Variants in RPAP2 observed in about 807,000 individuals in gnomAD.
The protein encoded by RPAP2 is putative RNA polymerase II subunit B1 CTD phosphatase RPAP2.
Under a neutral mutation model 73.1 loss-of-function variants are expected in RPAP2, and 52 were observed. That is an observed-to-expected ratio of 0.71 (90% CI 0.57 to 0.90). The LOEUF (loss-of-function observed/expected upper bound fraction) is 0.90, where lower values mean the gene tolerates loss of function less well. RPAP2 is among the 40% of genes least tolerant of loss of function. RPAP2 has a pLI of 0.00. For synonymous variants in RPAP2, 225 were observed against 242.1 expected, an observed-to-expected ratio of 0.93 and a Z score of 0.65; for missense variants, 598 against 701.8, an observed-to-expected ratio of 0.85 and a Z score of 1.67.
At chr1:92,330,037 G>A (rs1287353472) in intron 8 of RPAP2, among the ~76,000 whole-genome samples, 2 of 152,186 alleles carry the variant, frequency 1.3e-5, no homozygotes, top group Non-Finnish European at 2.9e-5. Flanking sequence ...GGTAGGAGTG[G>A]ACCACAAGGT....
chr1:92,332,292 C>G (rs916346178), intron 8 of RPAP2, among the ~76,000 whole-genome samples: 2 of 151,978 alleles, frequency 1.3e-5, no homozygotes, highest in African/African-American at 4.8e-5. Flanking sequence ...CCGTATTTTT[C>G]TATTCTAGGG....
intron 12 of RPAP2, among the ~76,000 whole-genome samples, chr1:92,382,165 A>G (rs557199032): frequency 6.6e-6 from 1 of 152,122 alleles, no homozygotes; most frequent in East Asian, 1.9e-4. Flanking sequence ...AATCCAGTCT[A>G]TCATTGTTGG....
chr1:92,333,352 TTA>T lies in RPAP2; in HGVS notation c.1456-37_1456-36del, dbSNP rs1443035532. 4 of 1,490,082 alleles carry T rather than the reference TTA, an allele frequency of 2.7e-6. No homozygotes were observed. The South Asian group carries it at 4.5e-5, about 17-fold the overall frequency. The allele number at this position is 1,490,082 out of a possible 1,614,324, so 92.3% of individuals were successfully genotyped here. On this transcript the variant is annotated intron_variant, in intron 8 of 12. Transcript: ENST00000610020. ...TGCTTATCAAAGAAAGAATGTAAAC[TTA>T]TGATTCTGTTTTGCTTTGTTTAAAA...
chr1:92,382,275 G>T lies in RPAP2; in HGVS notation c.1838+1402G>T, dbSNP rs569101911. On this transcript the variant is annotated intron_variant, in intron 12 of 12. Transcript: ENST00000610020. The stretch of plus-strand genomic sequence containing the variant: ...AGCAGCATGATTCATAATCCTTTGG[G>T]TATATACCCAGTAATGGGATAGCTG... 7.9e-5 allele frequency among the ~76,000 whole-genome samples: 12 copies of T among 152,270 alleles called. No individual in the cohort carries two copies. In the East Asian group the frequency reaches 2.3e-3, roughly 29 times the overall value.
intron 11 of RPAP2, among the ~76,000 whole-genome samples, chr1:92,353,291 C>T (rs1654307369): frequency 6.6e-6 from 1 of 152,120 alleles, no homozygotes; most frequent in African/African-American, 2.4e-5. Context: ...GTGGTTGTAT[C>T]ATTTTACATT....
chr1:92,338,840 C>T (rs1348030946), intron 10 of RPAP2, among the ~76,000 whole-genome samples: 1 of 151,776 alleles, frequency 6.6e-6, no homozygotes, highest in African/African-American at 2.4e-5. Flanking sequence ...GAACTCTTGC[C>T]CTCAAGGGAT....
chr1:92,377,316 C>T (rs1416191043), intron 11 of RPAP2, among the ~76,000 whole-genome samples: 1 of 151,728 alleles, frequency 6.6e-6, no homozygotes, highest in Admixed American at 6.6e-5. Flanking sequence ...GTCAAGAGAT[C>T]GAGACCATCC....
At chr1:92,301,666 A>G (rs576544063) in intron 3 of RPAP2, 76 bp downstream of exon 3, 14 of 546,080 alleles carry the variant, frequency 2.6e-5, no homozygotes, top group South Asian at 3.8e-5. Flanking sequence ...ACTTCTTTGC[A>G]TTATTAGAAT....
rs191457335 is a variant in RPAP2 at position 92,341,661 on chromosome 1, T to C, written c.1620-4185T>C. The stretch of plus-strand genomic sequence containing the variant: ...AGTATAATAGAAAAGGAAATACTTT[T>C]TTGAGTTGTATCTTGCTCTGTCGTC... On this transcript the variant is annotated intron_variant, in intron 10 of 12. Coordinates refer to ENST00000610020, the MANE Select transcript of RPAP2 (RefSeq NM_024813.3). Among the ~76,000 whole-genome samples the C allele has an allele frequency of 5.2e-3, 796 of 152,332 alleles. 2 individuals carry two copies. The highest frequency in any genetic ancestry group is 8.8e-3 in the Non-Finnish European group (598 of 68,032).
At chr1:92,318,265 G>A (rs1159858254) in intron 6 of RPAP2, among the ~76,000 whole-genome samples, 3 of 152,154 alleles carry the variant, frequency 2.0e-5, no homozygotes, top group African/African-American at 7.2e-5. Flanking sequence ...TAGCGCTTTA[G>A]ATAAGCTATC....
chr1:92,320,904 C>T (rs1428622053), intron 7 of RPAP2, among the ~76,000 whole-genome samples: 1 of 152,182 alleles, frequency 6.6e-6, no homozygotes, highest in Non-Finnish European at 1.5e-5. Context: ...ACACAGCCTC[C>T]ATCTCAGATA....
chr1:92,332,797 A>G (rs759773328), intron 8 of RPAP2, among the ~76,000 whole-genome samples: 13 of 152,108 alleles, frequency 8.5e-5, no homozygotes, highest in South Asian at 2.1e-4. Flanking sequence ...AAACTGCTCA[A>G]TTTCTCAATA....
In RPAP2 at chr1:92,352,711, C is replaced by A. The variant is rs1654278438; in HGVS notation, c.1688+6797C>A. 3.3e-5 allele frequency among the ~76,000 whole-genome samples: 5 copies of A among 152,136 alleles called. No individual in the cohort carries two copies. The South Asian group carries it at 1.0e-3, about 31-fold the overall frequency. On this transcript the variant is annotated intron_variant, in intron 11 of 12. Transcript: ENST00000610020. The stretch of plus-strand genomic sequence containing the variant: ...GAGATAAAATTAATATACAGTTCAT[C>A]ATTTGTATATTTTAAAATATACAAA...
intron 6 of RPAP2, among the ~76,000 whole-genome samples, chr1:92,320,317 GGCT>G (rs774701712): frequency 2.0e-5 from 3 of 151,968 alleles, no homozygotes; most frequent in Non-Finnish European, 4.4e-5. Flanking sequence ...TCTGTCGCCA[GGCT>G]GGAGTGCAGT....
At chr1:92,378,029 A>G (rs1655463628) in intron 11 of RPAP2, among the ~76,000 whole-genome samples, 1 of 152,190 alleles carries the variant, frequency 6.6e-6, no homozygotes. Context: ...CCATTTATTT[A>G]TAATTTTAGG....
intron 3 of RPAP2, among the ~76,000 whole-genome samples, chr1:92,302,851 C>T (rs533457936): frequency 1.4e-3 from 216 of 151,842 alleles, no homozygotes; most frequent in Non-Finnish European, 2.7e-3. Flanking sequence ...CCGCCCGCGT[C>T]GGCCTCCCAA....
chr1:92,355,212 C>A (rs935984574), intron 11 of RPAP2, among the ~76,000 whole-genome samples: 4 of 151,966 alleles, frequency 2.6e-5, no homozygotes, highest in Non-Finnish European at 5.9e-5. Context: ...CATAGACTAC[C>A]TTTAACTATA....
intron 6 of RPAP2, among the ~76,000 whole-genome samples, chr1:92,311,467 TCTTTA>T (rs2101130092): frequency 6.6e-6 from 1 of 152,358 alleles, no homozygotes; most frequent in East Asian, 1.9e-4. Context: ...TAATTTGATC[TCTTTA>T]GTCTGTAAAA....
intron 8 of RPAP2, among the ~76,000 whole-genome samples, chr1:92,329,596 C>G (rs1367330402): frequency 6.6e-6 from 1 of 152,178 alleles, no homozygotes; most frequent in Non-Finnish European, 1.5e-5. Flanking sequence ...GTTCTTGGAG[C>G]AAAAGTTCAT....
Sources: allele counts gnomAD v4.1 joint callset (sites outside exome capture counted in the v4.1 genomes callset), GRCh38; gene constraint gnomAD v4.1.1; transcripts MANE v1.5; gene names NCBI Gene and HGNC (gene_info 2026-07-23, HGNC 2026-07-21).